CDYL2: variants seen among roughly 807,000 people sequenced by gnomAD.
CDYL2 encodes chromodomain Y-like protein 2.
In CDYL2, 23 loss-of-function variants were observed where a neutral mutation model predicts 49.4. The ratio of observed to expected loss-of-function variants is 0.47; its 90% CI spans 0.34 to 0.66. CDYL2 has a LOEUF of 0.66. CDYL2 is among the 30% of genes least tolerant of loss of function. CDYL2 has a pLI of 0.01. For missense variants in CDYL2, 678 were observed against 656.4 expected (o/e 1.03, Z -0.36); for synonymous variants, 360 against 268.8 (o/e 1.34, Z -3.32).
Position 80,602,298 on chromosome 16 carries a change from A to G in CDYL2, c.*2090T>C, listed in dbSNP as rs1172995593. ...GTCCGAAGTCCTTACAGGATCCTACATGGACAAAGGGGAGGGTGCACAGGA... is the reference window on the plus strand; with the variant it reads ...GTCCGAAGTCCTTACAGGATCCTACGTGGACAAAGGGGAGGGTGCACAGGA... On this transcript the variant is annotated 3_prime_UTR_variant, in exon 7 of 7. Coordinates refer to ENST00000570137, the MANE Select transcript of CDYL2 (RefSeq NM_152342.4). The G allele has an allele frequency of 6.6e-6, 1 of 152,216 alleles. No homozygotes were observed. The highest frequency in any genetic ancestry group is 1.5e-5 in the Non-Finnish European group (1 of 68,040). The allele number at this position is 152,216 out of a possible 1,614,324, so 9.4% of individuals were successfully genotyped here.
intron 1 of CDYL2, among the ~76,000 whole-genome samples, chr16:80,700,988 G>A (rs746279280): frequency 6.6e-6 from 1 of 152,200 alleles, no homozygotes; most frequent in Non-Finnish European, 1.5e-5. Context: ...TGAGGGACTC[G>A]GCGGGCAGAA....
At chr16:80,730,796 A>C (rs1905300946) in intron 1 of CDYL2, among the ~76,000 whole-genome samples, 1 of 152,260 alleles carries the variant, frequency 6.6e-6, no homozygotes, top group African/African-American at 2.4e-5. Context: ...AATTACTGAT[A>C]CACACAAGAA....
At chr16:80,634,395 G>A (rs1046585807) in intron 2 of CDYL2, among the ~76,000 whole-genome samples, 3 of 152,146 alleles carry the variant, frequency 2.0e-5, no homozygotes, top group South Asian at 2.1e-4. Context: ...CTATCGCAAG[G>A]ACAGAAAACC....
intron 1 of CDYL2, among the ~76,000 whole-genome samples, chr16:80,695,012 A>G (rs1010258954): frequency 2.0e-5 from 3 of 152,264 alleles, no homozygotes; most frequent in Non-Finnish European, 2.9e-5. Flanking sequence ...CAAAGAATAT[A>G]TATCCCAAAG....
chr16:80,631,792 T>A (rs915457122), intron 3 of CDYL2, among the ~76,000 whole-genome samples: 2 of 152,168 alleles, frequency 1.3e-5, no homozygotes, highest in Admixed American at 6.5e-5. Flanking sequence ...GAAAAGATGC[T>A]CAACATGACT....
intron 2 of CDYL2, among the ~76,000 whole-genome samples, chr16:80,635,981 T>C (rs1270978014): frequency 6.6e-6 from 1 of 152,202 alleles, no homozygotes; most frequent in Non-Finnish European, 1.5e-5. Context: ...CCCTATTTAA[T>C]AAACGGTGTC....
chr16:80,625,035 G>A (rs1907242344), intron 3 of CDYL2, among the ~76,000 whole-genome samples: 3 of 152,218 alleles, frequency 2.0e-5, no homozygotes, highest in African/African-American at 7.2e-5. Flanking sequence ...GATAAAGGAT[G>A]AGAATTTAAC....
intron 2 of CDYL2, among the ~76,000 whole-genome samples, chr16:80,648,436 T>G (rs918032122): frequency 2.0e-5 from 3 of 151,938 alleles, no homozygotes; most frequent in African/African-American, 7.2e-5. Flanking sequence ...TACAACCTAC[T>G]AAGACTGAAC....
At chr16:80,675,660 G>A (rs775426981) in intron 2 of CDYL2, among the ~76,000 whole-genome samples, 1 of 151,802 alleles carries the variant, frequency 6.6e-6, no homozygotes, top group East Asian at 1.9e-4. Context: ...ACCCTCAACA[G>A]GGAGAGCGGC....
At position 80,612,463 on chromosome 16, in the gene CDYL2, G is replaced by A. The variant is rs1021632514; in HGVS notation, c.1218+163C>T. The stretch of plus-strand genomic sequence containing the variant: ...GACATCATCGCCATCTTCTCAGGCC[G>A]GGCTACTCCATCTGGCACTGAAGGT... On this transcript the variant is annotated intron_variant, in intron 5 of 6. Transcript: ENST00000570137. The surrounding 1 kb of genome is among the most constrained non-coding windows in gnomAD (Gnocchi z 5.0). Among the ~76,000 whole-genome samples the A allele has an allele frequency of 1.3e-5, 2 of 152,134 alleles. No individual in the cohort carries two copies. The highest frequency in any genetic ancestry group is 2.4e-5 in the African/African-American group (1 of 41,412).
At chr16:80,682,199 A>C (rs1035087495) in intron 2 of CDYL2, among the ~76,000 whole-genome samples, 13 of 152,192 alleles carry the variant, frequency 8.5e-5, no homozygotes, top group Non-Finnish European at 1.5e-4. Context: ...GATTAAGCAA[A>C]AGGGCCCTTT....
chr16:80,627,608 C>T (rs1907361283), intron 3 of CDYL2: 1 of 152,120 alleles, frequency 6.6e-6, no homozygotes, highest in African/African-American at 2.4e-5. Flanking sequence ...TCTTGAAAGA[C>T]CCCAAATTTA....
rs141419567 is a variant in CDYL2, at chr16:80,685,031, C to T, written c.123G>A (p.Pro41=). The T allele has an allele frequency of 9.3e-5, 150 of 1,614,164 alleles. 1 individual carries two copies. The African/African-American group carries it at 1.2e-3, about 13-fold the overall frequency. The change falls in exon 2 of 7, where the codon CCG becomes CCA. Residue 41 remains proline, a synonymous_variant. Transcript: ENST00000570137. The stretch of plus-strand genomic sequence containing the variant: ...CCTCACAGTGCAAGAGGTGGTGCTC[C>T]GGCTCCCACGTGTCCTCGGTGCTCC... The part of the protein sequence containing the change: ...GYGSTEDTWE[P]EHHLLHCEEF...
chr16:80,736,880 C>A (rs1597107583), intron 1 of CDYL2, among the ~76,000 whole-genome samples: 1 of 152,210 alleles, frequency 6.6e-6, no homozygotes, highest in Admixed American at 6.5e-5. Flanking sequence ...TTCACTTGCA[C>A]ATGGATTTAT....
intron 1 of CDYL2, among the ~76,000 whole-genome samples, chr16:80,728,356 G>A (rs1417682325): frequency 6.6e-6 from 1 of 152,106 alleles, no homozygotes. Flanking sequence ...AGTGATGGAA[G>A]ATGAAATGAA....
At chr16:80,605,698 A>G (rs1457782082) in intron 6 of CDYL2, among the ~76,000 whole-genome samples, 2 of 152,048 alleles carry the variant, frequency 1.3e-5, no homozygotes, top group Non-Finnish European at 2.9e-5. Flanking sequence ...AATTCATAAC[A>G]GTAATAGTAA....
chr16:80,794,937 A>G (rs1320027234), intron 1 of CDYL2, among the ~76,000 whole-genome samples: 2 of 152,124 alleles, frequency 1.3e-5, no homozygotes, highest in African/African-American at 2.4e-5. Context: ...AAAGGCATTC[A>G]TGGCTGTAGC....
intron 1 of CDYL2, among the ~76,000 whole-genome samples, chr16:80,751,857 G>C (rs1417705557): frequency 1.3e-5 from 2 of 152,270 alleles, no homozygotes; most frequent in African/African-American, 4.8e-5. Context: ...TGATTGAACT[G>C]AAAGTGATCT....
At chr16:80,655,917 G>A (rs1222280744) in intron 2 of CDYL2, among the ~76,000 whole-genome samples, 1 of 152,174 alleles carries the variant, frequency 6.6e-6, no homozygotes, top group African/African-American at 2.4e-5. Context: ...AGCTGGCAGG[G>A]AAGACGCTGT....
Sources: gnomAD v4.1 joint callset for allele counts (sites outside exome capture counted in the v4.1 genomes callset) on GRCh38, gnomAD v4.1.1 for gene constraint, Gnocchi (gnomAD v3.1) non-coding constraint, MANE v1.5 for transcripts, NCBI Gene and HGNC (gene_info 2026-07-23, HGNC 2026-07-21) for gene names.